The following CFAP99 variants were observed in gnomAD, a reference collection of about 807,000 sequenced individuals.
The protein encoded by CFAP99 is cilia- and flagella-associated protein 99.
In CFAP99, 84 loss-of-function variants were observed where a neutral mutation model predicts 82.7. The ratio of observed to expected loss-of-function variants is 1.02; its 90% CI spans 0.85 to 1.22. CFAP99 has a LOEUF of 1.22. CFAP99 is among the 50% of genes most tolerant of loss of function. CFAP99 has a pLI of 0.00. For missense variants in CFAP99, 1,059 were observed against 983.5 expected (o/e 1.08, Z -1.03); for synonymous variants, 456 against 429.5 (o/e 1.06, Z -0.76).
intron 9 of CFAP99, 106 bp from the exon 10 acceptor site, chr4:2,451,158 G>C (rs1413225215): frequency 1.4e-6 from 2 of 1,452,488 alleles, no homozygotes; most frequent in Non-Finnish European, 1.9e-6. Flanking sequence ...GGATAGGGAA[G>C]CACCTGGGCA....
At chr4:2,423,317 A>T (rs1429660311) in intron 1 of CFAP99, among the ~76,000 whole-genome samples, 1 of 152,106 alleles carries the variant, frequency 6.6e-6, no homozygotes, top group East Asian at 1.9e-4. Context: ...GCCTGCTGGG[A>T]CCCTCCCGAG....
chr4:2,457,966 G>A (rs934093885), intron 11 of CFAP99, among the ~76,000 whole-genome samples: 17 of 152,250 alleles, frequency 1.1e-4, no homozygotes, highest in Admixed American at 2.6e-4. Flanking sequence ...GGCAGAGGCA[G>A]AACTTAGCAT....
chr4:2,444,404 G>A (rs1443944856), intron 5 of CFAP99, among the ~76,000 whole-genome samples: 2 of 152,230 alleles, frequency 1.3e-5, no homozygotes, highest in African/African-American at 4.8e-5. Flanking sequence ...TGGCCCTGGC[G>A]AGACCCCAAG....
chr4:2,450,216 T>G, intron 8 of CFAP99: 1 of 586,078 alleles, frequency 1.7e-6, no homozygotes, highest in Non-Finnish European at 3.1e-6. Flanking sequence ...CGCACCCACA[T>G]CCCCCAGGAG....
rs944544287 is a variant in CFAP99 at position 2,448,992 on chromosome 4, G to T, written c.643-678G>T. Among the ~76,000 whole-genome samples, 1 of 152,208 alleles carries T rather than the reference G, an allele frequency of 6.6e-6. No individual in the cohort carries two copies. On this transcript the variant is annotated intron_variant, in intron 6 of 14. Transcript: ENST00000635017. The surrounding 1 kb of genome is among the most constrained non-coding windows in gnomAD (Gnocchi z 5.2). ...ATGGACAGCGGTCGTGGTCAGTGAG[G>T]CTGAGGGAGGGCTCGTTTGAGGAAG...
chr4:2,426,417 A>G, intron 1 of CFAP99, 42 bp from the exon 2 acceptor site: 1 of 1,270,108 alleles, frequency 7.9e-7, no homozygotes, highest in Non-Finnish European at 1.1e-6. Flanking sequence ...CTGCGGCTAC[A>G]TCCCAGGTGT....
chr4:2,460,328 T>C (rs1350767723), intron 14 of CFAP99, 86 bp downstream of exon 14: 4 of 1,233,088 alleles, frequency 3.2e-6, no homozygotes, highest in South Asian at 1.3e-5. Flanking sequence ...GTGGGTCTCC[T>C]AGAAACAACC....
chr4:2,438,841 T>C (rs1733976754), intron 4 of CFAP99, among the ~76,000 whole-genome samples: 1 of 152,230 alleles, frequency 6.6e-6, no homozygotes, highest in Non-Finnish European at 1.5e-5. Flanking sequence ...AATGTGCTGC[T>C]TTTGTCCTGG....
chr4:2,445,018 C>T (rs1057434230), intron 5 of CFAP99, 113 bp from the exon 6 acceptor site: 16 of 719,584 alleles, frequency 2.2e-5, no homozygotes, highest in Non-Finnish European at 2.5e-5. Context: ...ACTATCACCT[C>T]CACCCCAAGG....
At chr4:2,437,973 C>A in intron 3 of CFAP99, 97 bp from the exon 4 acceptor site, 2 of 680,336 alleles carry the variant, frequency 2.9e-6, no homozygotes, top group Non-Finnish European at 5.2e-6. Context: ...CCTGTGGCTG[C>A]GTGCCCTGAC....
At position 2,448,020 on chromosome 4, in the gene CFAP99, A is replaced by AATGGATGGATGG. The variant is rs145357095; in HGVS notation, c.643-1638_643-1627dup. 0.02 allele frequency among the ~76,000 whole-genome samples: 2,903 copies of AATGGATGGATGG among 141,872 alleles called. 92 individuals carry two copies. Among genetic ancestry groups the AATGGATGGATGG allele is most frequent in the African/African-American group, 0.07 (2,586 of 37,166 alleles). The allele number at this position is 141,872 out of a possible 152,430, so 93.1% of individuals were successfully genotyped here. A position where few individuals can be genotyped will look rare whatever the true frequency, so the allele number is the denominator to read the frequency against. On this transcript the variant is annotated intron_variant, in intron 6 of 14. Transcript: ENST00000635017. This position sits in a 1 kb window ranked among gnomAD's most constrained non-coding sequence, Gnocchi z 5.2. ...AAGTAGATGGATGGATAAGTGGATG[A>AATGGATGGATGG]ATGGATGGATGGATGGATGGATGAT...
intron 11 of CFAP99, among the ~76,000 whole-genome samples, chr4:2,457,415 G>C (rs901342593): frequency 6.6e-6 from 1 of 151,514 alleles, no homozygotes. Flanking sequence ...CGAGCTCAGC[G>C]AGCAGCCAGT....
chr4:2,462,531 A>AGGGCGGCCGAGCGCAGCAGGC lies in CFAP99; in HGVS notation c.1751_1771dup (p.Arg584_Arg590dup). On this transcript the variant is annotated inframe_insertion, in exon 15 of 15. Transcript: ENST00000635017. The surrounding 1 kb of genome is among the most constrained non-coding windows in gnomAD (Gnocchi z 4.1). ...GCAGCTGCGGCGCAGGATCTCGGAG[A>AGGGCGGCCGAGCGCAGCAGGC]GGGCGGCCGAGCGCAGCAGGCAGGC... The AGGGCGGCCGAGCGCAGCAGGC allele has an allele frequency of 6.8e-7, 1 of 1,471,208 alleles. No homozygotes were observed. Among genetic ancestry groups the AGGGCGGCCGAGCGCAGCAGGC allele is most frequent in the Middle Eastern group, 2.4e-4 (1 of 4,208 alleles). 91.1% of individuals were successfully genotyped at this position (1,471,208 alleles called of 1,614,324 possible).
chr4:2,462,252 G>C lies in CFAP99; in HGVS notation c.1662-191G>C. 8.6e-6 allele frequency: 4 copies of C among 464,360 alleles called. No homozygotes were observed. The East Asian group carries it at 1.1e-4, about 13-fold the overall frequency. 28.8% of individuals were successfully genotyped at this position (464,360 alleles called of 1,614,324 possible). A position where few individuals can be genotyped will look rare whatever the true frequency, so the allele number is the denominator to read the frequency against. Reference sequence around the variant, plus strand: ...GCTGGAGACTCCCCCAACCCCTCCAGCCCCTGAGCGGTGGTACTGTCTAGG... The same window carrying C: ...GCTGGAGACTCCCCCAACCCCTCCACCCCCTGAGCGGTGGTACTGTCTAGG... On this transcript the variant is annotated intron_variant, in intron 14 of 14. Coordinates refer to ENST00000635017, the Ensembl canonical transcript of CFAP99. The surrounding 1 kb of genome is among the most constrained non-coding windows in gnomAD (Gnocchi z 4.1).
chr4:2,436,602 G>T (rs925071512), intron 2 of CFAP99, among the ~76,000 whole-genome samples: 5 of 152,054 alleles, frequency 3.3e-5, no homozygotes, highest in Admixed American at 1.3e-4. Context: ...AGCTGGAACC[G>T]CACAGTACTT....
Position 2,446,449 on chromosome 4 carries a change from G to A in CFAP99, c.642+1141G>A, listed in dbSNP as rs182480433. On this transcript the variant is annotated intron_variant, in intron 6 of 14. Transcript: ENST00000635017. The surrounding 1 kb of genome is among the most constrained non-coding windows in gnomAD (Gnocchi z 5.0). ...GCTCTGTCACCCAGGCTGGAGTGCA[G>A]TGGCACGATCTTGGCTCACTGCAAC... Among the ~76,000 whole-genome samples the A allele has an allele frequency of 1.6e-3, 244 of 152,076 alleles. No individual in the cohort carries two copies. The highest frequency in any genetic ancestry group is 5.7e-3 in the African/African-American group (237 of 41,440).
chr4:2,443,434 G>T (rs1708129217), intron 5 of CFAP99, among the ~76,000 whole-genome samples, 192 bp downstream of exon 5: 1 of 152,240 alleles, frequency 6.6e-6, no homozygotes, highest in Non-Finnish European at 1.5e-5. Flanking sequence ...GCCTCGCGGG[G>T]AGGAAAAGAC....
At chr4:2,444,980 C>T (rs1734127493) in intron 5 of CFAP99, 151 bp from the exon 6 acceptor site, 1 of 448,736 alleles carries the variant, frequency 2.2e-6, no homozygotes, top group Non-Finnish European at 3.7e-6. Flanking sequence ...AAGTAGAAGC[C>T]ACTTCGTGAA....
intron 1 of CFAP99, among the ~76,000 whole-genome samples, chr4:2,426,251 A>G (rs1358873801): frequency 6.6e-6 from 1 of 151,874 alleles, no homozygotes; most frequent in Admixed American, 6.6e-5. Flanking sequence ...AGTGCAGGAC[A>G]TGCACCTTGG....
Sources: allele counts gnomAD v4.1 joint callset (sites outside exome capture counted in the v4.1 genomes callset), GRCh38; gene constraint gnomAD v4.1.1; non-coding constraint Gnocchi (gnomAD v3.1); transcripts MANE v1.5; gene names NCBI Gene and HGNC (gene_info 2026-07-23, HGNC 2026-07-21).